Variants in KCNH8 observed in about 807,000 individuals in gnomAD.
The protein encoded by KCNH8 is potassium voltage-gated channel subfamily H member 8.
KCNH8 carries 70 observed loss-of-function variants against 103.6 expected under a neutral mutation model. The observed-to-expected ratio is 0.68, with a 90% confidence interval of 0.56 to 0.82. The LOEUF is 0.82. Ranked by LOEUF, KCNH8 falls within the 40% of genes least tolerant of loss-of-function variation. The pLI is 0.00. For synonymous variants in KCNH8, 498 were observed against 489.4 expected (o/e 1.02, Z -0.23); for missense variants, 1,217 against 1,329.9 (o/e 0.92, Z 1.32).
intron 7 of KCNH8, among the ~76,000 whole-genome samples, chr3:19,426,692 C>T (rs536326494): frequency 1.6e-4 from 25 of 152,022 alleles, no homozygotes; most frequent in African/African-American, 3.9e-4. Context: ...TGATATGATA[C>T]GGTCTTAAAC....
chr3:19,248,495 G>T (rs1375377098), intron 1 of KCNH8, among the ~76,000 whole-genome samples: 1 of 152,142 alleles, frequency 6.6e-6, no homozygotes, highest in African/African-American at 2.4e-5. Context: ...TCTCTAGAGA[G>T]AAAAATCCAT....
chr3:19,281,423 AC>A (rs1304580933), intron 3 of KCNH8, 94 bp downstream of exon 3: 2 of 1,123,424 alleles, frequency 1.8e-6, no homozygotes. Context: ...ATTTTTAATA[AC>A]AGCAACTGAT....
At chr3:19,522,336 G>T (rs750448413) in intron 15 of KCNH8, among the ~76,000 whole-genome samples, 8 of 151,482 alleles carry the variant, frequency 5.3e-5, no homozygotes, top group Non-Finnish European at 1.0e-4. Flanking sequence ...AGTGGTGTCA[G>T]TTCCATTTCG....
chr3:19,253,265 T>G (rs1033601180), intron 1 of KCNH8, among the ~76,000 whole-genome samples: 1 of 152,128 alleles, frequency 6.6e-6, no homozygotes, highest in Non-Finnish European at 1.5e-5. Context: ...GAAAGCAGAT[T>G]TAAGGAAATT....
chr3:19,289,359 G>T (rs2064884313), intron 3 of KCNH8, among the ~76,000 whole-genome samples: 1 of 152,054 alleles, frequency 6.6e-6, no homozygotes, highest in Non-Finnish European at 1.5e-5. Context: ...TATGGTTTTA[G>T]GTCTAACATT....
At chr3:19,250,868 C>G (rs7652467) in intron 1 of KCNH8, among the ~76,000 whole-genome samples, 9,536 of 152,158 alleles carry the variant, frequency 0.063, 961 homozygotes, top group African/African-American at 0.21. Flanking sequence ...TGTCACCTCA[C>G]TCTAGGACTT....
intron 3 of KCNH8, among the ~76,000 whole-genome samples, chr3:19,332,416 C>T (rs2065523274): frequency 6.6e-6 from 1 of 152,084 alleles, no homozygotes; most frequent in Non-Finnish European, 1.5e-5. Flanking sequence ...CTGCCTACAT[C>T]CATTGTTTAT....
At chr3:19,202,204 G>A (rs1030026592) in intron 1 of KCNH8, among the ~76,000 whole-genome samples, 1 of 152,070 alleles carries the variant, frequency 6.6e-6, no homozygotes, top group African/African-American at 2.4e-5. Flanking sequence ...GCTTATGCCT[G>A]TTGTCCCATC....
intron 1 of KCNH8, among the ~76,000 whole-genome samples, chr3:19,169,579 G>T (rs2063320997): frequency 6.6e-6 from 1 of 152,132 alleles, no homozygotes; most frequent in Non-Finnish European, 1.5e-5. Context: ...ACATTGGAAT[G>T]AAAGAAGCGT....
Position 19,513,075 on chromosome 3 carries a change from C to T in KCNH8, c.2185C>T (p.Pro729Ser). ...GGAAGAGGAGGCAGTCTCCCTCTCT[C>T]CCATCTGCACAAGGGGATCTTCTTC... ...GEEEEAVSLSPICTRGSSSRN... is the reference protein window; with the variant it reads ...GEEEEAVSLSSICTRGSSSRN... Residue 729 changes from proline to serine, a missense_variant, in exon 13 of 16, where the codon CCC (proline) becomes TCC (serine). This residue lies in a region of KCNH8 where 558 missense variants were observed against 495.8 expected (regional missense o/e 1.13). Transcript: ENST00000328405. The T allele has an allele frequency of 6.8e-6, 11 of 1,613,746 alleles. No individual in the cohort carries two copies. The highest frequency in any genetic ancestry group is 9.3e-6 in the Non-Finnish European group (11 of 1,179,884).
intron 5 of KCNH8, among the ~76,000 whole-genome samples, chr3:19,369,093 G>T (rs1442197): frequency 0.42 from 62,799 of 151,246 alleles, 14,134 homozygotes; most frequent in African/African-American, 0.6. Flanking sequence ...AAATCACTTT[G>T]TTTTTTAAAG....
intron 1 of KCNH8, among the ~76,000 whole-genome samples, chr3:19,162,925 A>G (rs900325958): frequency 1.3e-5 from 2 of 152,134 alleles, no homozygotes; most frequent in African/African-American, 4.8e-5. Flanking sequence ...AATTTAAAAT[A>G]TCCTGTATAT....
chr3:19,230,585 C>A (rs1575453224), intron 1 of KCNH8, among the ~76,000 whole-genome samples: 1 of 152,160 alleles, frequency 6.6e-6, no homozygotes, highest in Admixed American at 6.6e-5. Flanking sequence ...ACTGTGTCAT[C>A]GGTTGCATAA....
chr3:19,318,768 C>G (rs1359797039), intron 3 of KCNH8, among the ~76,000 whole-genome samples: 1 of 151,280 alleles, frequency 6.6e-6, no homozygotes, highest in Non-Finnish European at 1.5e-5. Flanking sequence ...ACATTCTCAC[C>G]AACAGTGTAA....
chr3:19,322,806 C>A (rs1054420339), intron 3 of KCNH8, among the ~76,000 whole-genome samples: 10 of 152,202 alleles, frequency 6.6e-5, no homozygotes, highest in African/African-American at 2.4e-4. Flanking sequence ...TTTTAGATTT[C>A]TCTTCTTCAG....
At chr3:19,483,009 A>G (rs564099830) in intron 11 of KCNH8, among the ~76,000 whole-genome samples, 31 of 151,734 alleles carry the variant, frequency 2.0e-4, no homozygotes, top group Middle Eastern at 3.4e-3. Context: ...CAGGCCTATG[A>G]TATTGTATGA....
rs562424457 is a variant in KCNH8, at chr3:19,229,281, G to A, written c.77-24373G>A. Among the ~76,000 whole-genome samples the A allele has an allele frequency of 1.0e-3, 157 of 152,266 alleles. 1 individual carries two copies. Among genetic ancestry groups the A allele is most frequent in the African/African-American group, 3.4e-3 (143 of 41,556 alleles). Reference sequence around the variant, plus strand: ...TGGTGCCCCAGTAGGGACTCTGTGGGGTGCTCCAACACCACATTTCCCTTC... The same window carrying A: ...TGGTGCCCCAGTAGGGACTCTGTGGAGTGCTCCAACACCACATTTCCCTTC... On this transcript the variant is annotated intron_variant, in intron 1 of 15. Coordinates refer to ENST00000328405, the MANE Select transcript of KCNH8 (RefSeq NM_144633.3).
chr3:19,418,837 A>G (rs1026829668), intron 7 of KCNH8, among the ~76,000 whole-genome samples: 4 of 152,242 alleles, frequency 2.6e-5, no homozygotes, highest in East Asian at 3.8e-4. Context: ...CATTCTTATG[A>G]AAACAAATAC....
intron 15 of KCNH8, among the ~76,000 whole-genome samples, chr3:19,523,195 T>C (rs746361865): frequency 1.3e-5 from 2 of 151,910 alleles, no homozygotes; most frequent in Non-Finnish European, 2.9e-5. Context: ...GGAATGACTG[T>C]GTTTGCATTA....
Sources: allele counts gnomAD v4.1 joint callset (sites outside exome capture counted in the v4.1 genomes callset), GRCh38; gene constraint gnomAD v4.1.1; regional missense constraint gnomAD v4.1.1; transcripts MANE v1.5; gene names NCBI Gene and HGNC (gene_info 2026-07-23, HGNC 2026-07-21).